The following RPL37A variants were observed in gnomAD, a reference collection of about 807,000 sequenced individuals.
The protein encoded by RPL37A is large ribosomal subunit protein eL43.
RPL37A carries 5 observed loss-of-function variants against 13.6 expected under a neutral mutation model. That is an observed-to-expected ratio of 0.37 (90% CI 0.19 to 0.78). The LOEUF (loss-of-function observed/expected upper bound fraction) is 0.78. RPL37A is among the 30% of genes least tolerant of loss of function. RPL37A has a pLI of 0.49. For missense variants in RPL37A, 77 were observed against 120.0 expected, an observed-to-expected ratio of 0.64 and a Z score of 1.67; for synonymous variants, 50 against 44.4, an observed-to-expected ratio of 1.13 and a Z score of -0.50.
chr2:216,499,427 G>A (rs1574496875), intron 2 of RPL37A, 29 bp downstream of exon 2: 4 of 1,611,694 alleles, frequency 2.5e-6, no homozygotes, highest in East Asian at 2.2e-5. Flanking sequence ...CTGGTGAGAG[G>A]AGAGGGAGGG....
At position 216,499,955 on chromosome 2, in the gene RPL37A, A is replaced by G. The variant is rs936672551; in HGVS notation, c.139A>G (p.Met47Val). Residue 47 changes from methionine (M) to valine (V), a missense_variant, in exon 3 of 4, where the codon ATG (methionine) becomes GTG (valine). This residue lies in a region of RPL37A where 59 missense variants were observed against 65.5 expected (regional missense o/e 0.90). Transcript: ENST00000491306. ...AATTGGTTCTCTTTTATAGACCAAG[A>G]TGAAGAGACGAGCTGTGGGGATCTG... The part of the protein sequence containing the change: ...YTCSFCGKTK[M>V]KRRAVGIWHC... 61 of 1,613,806 alleles carry G rather than the reference A, an allele frequency of 3.8e-5. 1 individual carries two copies. Among genetic ancestry groups the G allele is most frequent in the Non-Finnish European group, 5.0e-5 (59 of 1,179,764 alleles).
chr2:216,499,116 C>T, intron 1 of RPL37A, 154 bp from the exon 2 acceptor site: 1 of 1,206,888 alleles, frequency 8.3e-7, no homozygotes. Context: ...CAGCCCTGGG[C>T]ACTGGTTTCG....
At position 216,503,065 on chromosome 2, in the gene RPL37A, T is replaced by A. The variant is rs1002857126; in HGVS notation, c.*1661T>A. 6.6e-6 allele frequency: 1 copy of A among 152,218 alleles called. No homozygotes were observed. Among genetic ancestry groups the A allele is most frequent in the African/African-American group, 2.4e-5 (1 of 41,454 alleles). 9.4% of individuals were successfully genotyped at this position (152,218 alleles called of 1,614,324 possible). A position where few individuals can be genotyped will look rare whatever the true frequency, so the allele number is the denominator to read the frequency against. On this transcript the variant is annotated 3_prime_UTR_variant, in exon 4 of 4. Transcript: ENST00000491306. ...AGTGACAAGTCAGGATTTTCAGGCT[T>A]CATAGGAATGACACAGCTCTCCAGG...
chr2:216,499,582 A>G, intron 2 of RPL37A, 184 bp downstream of exon 2: 1 of 789,172 alleles, frequency 1.3e-6, no homozygotes, highest in South Asian at 1.9e-5. Context: ...GACGTTTTTC[A>G]TTTAAAGAAA....
intron 1 of RPL37A, 23 bp downstream of exon 1, chr2:216,498,900 CCTAG>C (rs1695546757): frequency 4.9e-5 from 79 of 1,613,962 alleles, no homozygotes; most frequent in Non-Finnish European, 6.6e-5. Flanking sequence ...CTCTGTGCGG[CCTAG>C]AACTCTATCT....
chr2:216,500,850 T>C (rs957908532), intron 3 of RPL37A: 10 of 152,380 alleles, frequency 6.6e-5, no homozygotes, highest in African/African-American at 2.2e-4. Flanking sequence ...CACTTTAGTG[T>C]CCGCTCTTAT....
In RPL37A at chr2:216,499,942, T is replaced by G. The variant is rs144859956; in HGVS notation, c.133-7T>G. The G allele has an allele frequency of 1.2e-4, 187 of 1,613,148 alleles. 1 individual carries two copies. Among genetic ancestry groups the G allele is most frequent in the Non-Finnish European group, 1.5e-4 (176 of 1,179,226 alleles). ...GGTTCATAGTGAAAATTGGTTCTCT[T>G]TTATAGACCAAGATGAAGAGACGAG... is the stretch of plus-strand genomic sequence containing the variant. On this transcript the variant is annotated splice_region_variant and splice_polypyrimidine_tract_variant and intron_variant, in intron 2 of 3. Coordinates refer to ENST00000491306, the MANE Select transcript of RPL37A (RefSeq NM_000998.5).
chr2:216,499,823 G>C (rs1425087455), intron 2 of RPL37A, 126 bp from the exon 3 acceptor site: 1 of 843,724 alleles, frequency 1.2e-6, no homozygotes, highest in Non-Finnish European at 2.0e-6. Context: ...TCCCTGTTTT[G>C]TTTTTGAGGG....
At position 216,499,403 on chromosome 2, in the gene RPL37A, G is replaced by A. The variant is rs2106109113; in HGVS notation, c.132+5G>A. ...ACTTGCTCTTTCTGTGGCAAAGTAA[G>A]TAAGGCAAAGTCTCTGGTGAGAGGA... is the stretch of plus-strand genomic sequence containing the variant. On this transcript the variant is annotated splice_donor_5th_base_variant and intron_variant, in intron 2 of 3. Transcript: ENST00000491306. The A allele has an allele frequency of 6.2e-7, 1 of 1,613,994 alleles. No homozygotes were observed. Among genetic ancestry groups the A allele is most frequent in the Non-Finnish European group, 8.5e-7 (1 of 1,179,944 alleles).
At chr2:216,501,150 G>A (rs191488113) in intron 3 of RPL37A, 191 bp from the exon 4 acceptor site, 3 of 495,688 alleles carry the variant, frequency 6.1e-6, no homozygotes, top group Admixed American at 3.7e-5. Flanking sequence ...AATTTCCGAG[G>A]AGTAATCTAA....
At chr2:216,498,986 C>T (rs1378114025) in intron 1 of RPL37A, 109 bp downstream of exon 1, 9 of 1,485,990 alleles carry the variant, frequency 6.1e-6, no homozygotes, top group Middle Eastern at 1.7e-4. Context: ...TCTCTCCTGT[C>T]TCCATGCCTT....
intron 1 of RPL37A, 116 bp from the exon 2 acceptor site, chr2:216,499,154 C>T (rs868729779): frequency 7.6e-7 from 1 of 1,321,174 alleles, no homozygotes; most frequent in Middle Eastern, 2.5e-4. Flanking sequence ...AAAACTAGGT[C>T]ATATGTAATT....
chr2:216,501,117 C>A, intron 3 of RPL37A: 1 of 407,478 alleles, frequency 2.5e-6, no homozygotes. Context: ...TAAAGGATGC[C>A]ATCATGTAGT....
intron 2 of RPL37A, 162 bp downstream of exon 2, chr2:216,499,560 C>G: frequency 1.1e-6 from 1 of 887,486 alleles, no homozygotes. Flanking sequence ...ATGGTAACTT[C>G]AGATTTTGTG....
chr2:216,499,378 A>G lies in RPL37A; in HGVS notation c.112A>G (p.Thr38Ala). ...TGAAATCAGCCAGCACGCCAAGTAC[A>G]CTTGCTCTTTCTGTGGCAAAGTAAG... ...KIEISQHAKY[T>A]CSFCGKTKMK... The change falls in exon 2 of 4, where the codon ACT becomes GCT. Residue 38 changes from threonine (T) to alanine (A), a missense_variant. Thr to Ala is a moderately conservative substitution (Grantham distance 58). Coordinates refer to ENST00000491306, the MANE Select transcript of RPL37A (RefSeq NM_000998.5). 3 of 1,614,172 alleles carry G rather than the reference A, an allele frequency of 1.9e-6. No individual in the cohort carries two copies. Among genetic ancestry groups the G allele is most frequent in the East Asian group, 2.2e-5 (1 of 44,880 alleles).
intron 1 of RPL37A, 196 bp from the exon 2 acceptor site, chr2:216,499,074 C>A: frequency 2.6e-6 from 3 of 1,134,452 alleles, no homozygotes; most frequent in Non-Finnish European, 2.5e-6. Context: ...GCGCTCCAGC[C>A]GGGTTAACGC....
In RPL37A at chr2:216,501,331, T is replaced by A. The variant is rs2106110665; in HGVS notation, c.216-10T>A. 1 of 1,610,608 alleles carries A rather than the reference T, an allele frequency of 6.2e-7. No homozygotes were observed. The highest frequency in any genetic ancestry group is 8.5e-7 in the Non-Finnish European group (1 of 1,177,562). ...CTTAATTATGTTGGAAACTGAATCT[T>A]TCTTTCCAGTACCACTTCCGCTGTC... is the stretch of plus-strand genomic sequence containing the variant. On this transcript the variant is annotated splice_polypyrimidine_tract_variant and intron_variant, in intron 3 of 3. Coordinates refer to ENST00000491306, the MANE Select transcript of RPL37A (RefSeq NM_000998.5).
chr2:216,502,696 T>G lies in RPL37A; in HGVS notation c.*1292T>G, dbSNP rs1035506462. On this transcript the variant is annotated 3_prime_UTR_variant, in exon 4 of 4. Coordinates refer to ENST00000491306, the MANE Select transcript of RPL37A (RefSeq NM_000998.5). ...GGTATGTCTTTTATCTATCCCAGAG[T>G]CAGTAGTCCTTTAAGGATGCAAATT... The G allele has an allele frequency of 2.0e-5, 3 of 152,228 alleles. No individual in the cohort carries two copies. Among genetic ancestry groups the G allele is most frequent in the Non-Finnish European group, 2.9e-5 (2 of 68,046 alleles). 9.4% of individuals were successfully genotyped at this position (152,228 alleles called of 1,614,324 possible). A position where few individuals can be genotyped will look rare whatever the true frequency, so the allele number is the denominator to read the frequency against.
Position 216,498,936 on chromosome 2 carries a change from C to A in RPL37A, c.3+59C>A, listed in dbSNP as rs112651346. 364 of 1,608,494 alleles carry A rather than the reference C, an allele frequency of 2.3e-4. 1 individual carries two copies. In the African/African-American group the frequency reaches 4.3e-3, roughly 19 times the overall value. On this transcript the variant is annotated intron_variant, in intron 1 of 3. Coordinates refer to ENST00000491306, the MANE Select transcript of RPL37A (RefSeq NM_000998.5). ...ATCTGCCTGCATCTGTCCTTGTTTTCTTCTCCCGCACCCATCTCCTCTCCT... is the reference window on the plus strand; with the variant it reads ...ATCTGCCTGCATCTGTCCTTGTTTTATTCTCCCGCACCCATCTCCTCTCCT...
Sources: gnomAD v4.1 joint callset for allele counts on GRCh38, gnomAD v4.1.1 for gene constraint, gnomAD v4.1.1 regional missense constraint, MANE v1.5 for transcripts, NCBI Gene and HGNC (gene_info 2026-07-23, HGNC 2026-07-21) for gene names.